TRIO: variants seen among roughly 807,000 people sequenced by gnomAD.
The protein encoded by TRIO is triple functional domain protein.
Under a neutral mutation model 351.9 loss-of-function variants are expected in TRIO, and 58 were observed. The ratio of observed to expected loss-of-function variants is 0.16; its 90% CI spans 0.13 to 0.21. The LOEUF (loss-of-function observed/expected upper bound fraction) is 0.21, where lower values mean the gene tolerates loss of function less well. Among genes scored for constraint, TRIO ranks in the 10% least tolerant of loss-of-function variants. The probability of loss-of-function intolerance (pLI) is 1.00; values close to 1 mark genes in which losing one functional copy is unlikely to be tolerated. For synonymous variants in TRIO, 1,758 were observed against 1,595.7 expected, an observed-to-expected ratio of 1.10 and a Z score of -2.42; for missense variants, 3,201 against 4,027.8, an observed-to-expected ratio of 0.79 and a Z score of 5.56.
chr5:14,163,862 C>CT (rs1359409257), intron 1 of TRIO, among the ~76,000 whole-genome samples: 2 of 152,200 alleles, frequency 1.3e-5, no homozygotes, highest in Non-Finnish European at 2.9e-5. Context: ...ATTCAGGAAT[C>CT]TTAAATAGGC....
At chr5:14,403,500 G>A (rs1748362198) in intron 31 of TRIO, among the ~76,000 whole-genome samples, 1 of 87,674 alleles carries the variant, frequency 1.1e-5, no homozygotes, top group African/African-American at 5.0e-5. Flanking sequence ...GTGGTGGTGA[G>A]GGTGTAGGTG....
At chr5:14,447,147 A>G (rs1408526141) in intron 34 of TRIO, among the ~76,000 whole-genome samples, 1 of 152,152 alleles carries the variant, frequency 6.6e-6, no homozygotes, top group Admixed American at 6.5e-5. Context: ...CAGGAGAATC[A>G]CTTGAACCCA....
chr5:14,269,415 T>C (rs1302465629), intron 1 of TRIO, among the ~76,000 whole-genome samples: 1 of 152,272 alleles, frequency 6.6e-6, no homozygotes, highest in African/African-American at 2.4e-5. Flanking sequence ...TTAGCAGGCA[T>C]GTAATTTGGC....
intron 8 of TRIO, among the ~76,000 whole-genome samples, chr5:14,307,308 T>C (rs1738460682): frequency 1.3e-5 from 2 of 152,264 alleles, no homozygotes; most frequent in Admixed American, 6.5e-5. Context: ...GTTCCAATGA[T>C]GCCCCTTTCT....
At chr5:14,227,338 C>T (rs566156505) in intron 1 of TRIO, among the ~76,000 whole-genome samples, 1 of 152,264 alleles carries the variant, frequency 6.6e-6, no homozygotes, top group Admixed American at 6.5e-5. Context: ...AAAAACTCGA[C>T]GTTTGTGATA....
At chr5:14,413,911 C>T (rs1579584742) in intron 33 of TRIO, among the ~76,000 whole-genome samples, 1 of 152,126 alleles carries the variant, frequency 6.6e-6, no homozygotes, top group South Asian at 2.1e-4. Flanking sequence ...CTGGTGAGGG[C>T]CCAGTCAGCT....
chr5:14,257,930 C>T (rs2152255842), intron 1 of TRIO, among the ~76,000 whole-genome samples: 1 of 152,312 alleles, frequency 6.6e-6, no homozygotes, highest in East Asian at 1.9e-4. Context: ...ACTGTTACAA[C>T]TGCTACTGTT....
Position 14,397,407 on chromosome 5 carries a change from T to C in TRIO, c.4423+253T>C, listed in dbSNP as rs1195783921. 1.6e-5 allele frequency: 6 copies of C among 381,752 alleles called. No homozygotes were observed. The South Asian group carries it at 2.0e-4, about 13-fold the overall frequency. The allele number at this position is 381,752 out of a possible 1,614,324, so 23.6% of individuals were successfully genotyped here. A position where few individuals can be genotyped will look rare whatever the true frequency, so the allele number is the denominator to read the frequency against. On this transcript the variant is annotated intron_variant, in intron 29 of 56. Coordinates refer to ENST00000344204, the MANE Select transcript of TRIO (RefSeq NM_007118.4). ...CTCTGGACTCCAATAGCACTTTGTG[T>C]CGCTTGCTGCAGGCCACCTGTTCTC...
chr5:14,309,178 G>T (rs997998778), intron 8 of TRIO, among the ~76,000 whole-genome samples: 1 of 148,994 alleles, frequency 6.7e-6, no homozygotes, highest in African/African-American at 2.5e-5. Flanking sequence ...ACATGTGTTT[G>T]TGCATTTCGA....
chr5:14,402,097 G>A (rs558447781), intron 31 of TRIO, among the ~76,000 whole-genome samples: 197 of 152,238 alleles, frequency 1.3e-3, no homozygotes, highest in African/African-American at 4.5e-3. Flanking sequence ...GGCTAGTACT[G>A]GCATAAAGCC....
At chr5:14,313,552 A>G (rs376289609) in intron 8 of TRIO, among the ~76,000 whole-genome samples, 1 of 152,164 alleles carries the variant, frequency 6.6e-6, no homozygotes, top group East Asian at 1.9e-4. Context: ...TTAAGTTGCA[A>G]AACAATGGCT....
At chr5:14,202,562 C>T (rs1791204893) in intron 1 of TRIO, among the ~76,000 whole-genome samples, 1 of 151,414 alleles carries the variant, frequency 6.6e-6, no homozygotes, top group Admixed American at 6.6e-5. Context: ...TCTCATAATT[C>T]CCACATGTTG....
At chr5:14,416,236 A>C (rs982417805) in intron 33 of TRIO, among the ~76,000 whole-genome samples, 2 of 151,246 alleles carry the variant, frequency 1.3e-5, no homozygotes, top group African/African-American at 4.9e-5. Flanking sequence ...CTTAAAAAGC[A>C]GTAACGATTT....
chr5:14,303,467 G>C (rs957687686), intron 7 of TRIO, among the ~76,000 whole-genome samples: 1 of 149,652 alleles, frequency 6.7e-6, no homozygotes, highest in African/African-American at 2.5e-5. Flanking sequence ...GGCTGCCGCA[G>C]GACTGTTGAT....
intron 33 of TRIO, among the ~76,000 whole-genome samples, chr5:14,409,769 A>T (rs1375857327): frequency 6.7e-6 from 1 of 148,802 alleles, no homozygotes; most frequent in Non-Finnish European, 1.5e-5. Flanking sequence ...CGGGAGGCAG[A>T]GCTTGCAGTG....
intron 8 of TRIO, among the ~76,000 whole-genome samples, chr5:14,305,706 CA>C (rs1191956448): frequency 6.6e-6 from 1 of 152,192 alleles, no homozygotes; most frequent in Admixed American, 6.5e-5. Flanking sequence ...GCCCAGCTGT[CA>C]CTCTCATATC....
Position 14,507,168 on chromosome 5 carries a change from C to T in TRIO, c.8659C>T (p.Leu2887Phe). Residue 2887 changes from leucine to phenylalanine, a missense_variant, in exon 56 of 57, where the codon CTC becomes TTC. Physicochemically the swap from Leu to Phe is conservative, Grantham distance 22. Transcript: ENST00000344204. ...GGACTGCGTGGTGCGATGGGGAAGC[C>T]TCACTGAAGGGAAGATCAGGGCGCA... ...LLDCVVRWGS[L>F]TEGKIRAHLG... The T allele has an allele frequency of 6.2e-7, 1 of 1,612,350 alleles. No individual in the cohort carries two copies. Among genetic ancestry groups the T allele is most frequent in the Non-Finnish European group, 8.5e-7 (1 of 1,179,632 alleles).
At chr5:14,447,147 A>T (rs1408526141) in intron 34 of TRIO, among the ~76,000 whole-genome samples, 2 of 152,152 alleles carry the variant, frequency 1.3e-5, no homozygotes, top group Non-Finnish European at 2.9e-5. Flanking sequence ...CAGGAGAATC[A>T]CTTGAACCCA....
At chr5:14,185,152 T>G in intron 1 of TRIO, among the ~76,000 whole-genome samples, 3 of 118,402 alleles carry the variant, frequency 2.5e-5, no homozygotes, top group South Asian at 3.2e-4. Context: ...TTCGCCCCCC[T>G]TCCCCGCCCC....
Sources: allele counts gnomAD v4.1 joint callset (sites outside exome capture counted in the v4.1 genomes callset), GRCh38; gene constraint gnomAD v4.1.1; transcripts MANE v1.5; gene names NCBI Gene and HGNC (gene_info 2026-07-23, HGNC 2026-07-21).